Variants in PAM16 observed in about 807,000 individuals in gnomAD.
PAM16 encodes the protein presequence translocase associated motor 16.
A neutral mutation model predicts 17.9 loss-of-function variants in PAM16; 11 were observed. The observed-to-expected ratio is 0.62, with a 90% confidence interval of 0.39 to 1.02. PAM16 has a LOEUF of 1.02. Among genes scored for constraint, PAM16 ranks in the 50% least tolerant of loss-of-function variants. The pLI, the probability that PAM16 is intolerant of heterozygous loss-of-function variation, is 0.01. For missense variants in PAM16, 199 were observed against 165.4 expected, an observed-to-expected ratio of 1.20 and a Z score of -1.11; for synonymous variants, 72 against 67.4, an observed-to-expected ratio of 1.07 and a Z score of -0.34.
At position 4,341,391 on chromosome 16, in the gene PAM16, G is replaced by T; in HGVS notation, c.202C>A (p.Leu68Met). ...EAQQILNVSK[L>M]SPEEVQKNYE... The stretch of plus-strand genomic sequence containing the variant: ...ACCTTCTGGACCTCCTCAGGGCTCA[G>T]CTTGGACACGTTGAGAATCTGCTGT... The change falls in exon 3 of 5, where the codon CTG (leucine) becomes ATG (methionine). Residue 68 changes from leucine to methionine, a missense_variant. Transcript: ENST00000318059. The T allele has an allele frequency of 6.3e-7, 1 of 1,589,248 alleles. No individual in the cohort carries two copies. The highest frequency in any genetic ancestry group is 2.3e-5 in the East Asian group (1 of 43,886).
chr16:4,343,838 A>G lies in PAM16; in HGVS notation c.4-547T>C, dbSNP rs1036179162. The G allele has an allele frequency of 6.3e-5, 25 of 399,864 alleles. No homozygotes were observed. The Admixed American group carries it at 7.4e-4, about 12-fold the overall frequency. The allele number at this position is 399,864 out of a possible 1,614,324, so 24.8% of individuals were successfully genotyped here. A position where few individuals can be genotyped will look rare whatever the true frequency, so the allele number is the denominator to read the frequency against. On this transcript the variant is annotated intron_variant, in intron 1 of 4. Coordinates refer to ENST00000318059, the MANE Select transcript of PAM16 (RefSeq NM_016069.11). ...TGCAAACCTGTTTCCATCTTCAAGG[A>G]GCTAAAAGCCCACTAGGAGGGTATT...
intron 1 of PAM16, among the ~76,000 whole-genome samples, chr16:4,349,788 C>A (rs917691526): frequency 2.0e-5 from 3 of 152,092 alleles, no homozygotes; most frequent in African/African-American, 7.2e-5. Context: ...CAAAAAAACC[C>A]CATGAGTTTT....
rs1346611323 is a variant in PAM16 at position 4,340,330 on chromosome 16, G to A, written c.367C>T (p.Pro123Ser). 1 of 1,612,758 alleles carries A rather than the reference G, an allele frequency of 6.2e-7. No individual in the cohort carries two copies. The highest frequency in any genetic ancestry group is 8.5e-7 in the Non-Finnish European group (1 of 1,179,818). The change falls in exon 5 of 5, where the codon CCC (proline) becomes TCC (serine). Residue 123 changes from proline (P) to serine (S), a missense_variant. Physicochemically the swap from Pro to Ser is moderately conservative, Grantham distance 74. Coordinates refer to ENST00000318059, the MANE Select transcript of PAM16 (RefSeq NM_016069.11). ...GGGGAGCCGAGCAGTCACGTATGGG[G>A]CATCTGCCCTTTTTCTCTGTCCTCC... ...AQEDREKGQM[P>S]HT
intron 1 of PAM16, 139 bp from the exon 2 acceptor site, chr16:4,343,430 C>A: frequency 6.9e-7 from 1 of 1,444,688 alleles, no homozygotes; most frequent in Non-Finnish European, 9.1e-7. Flanking sequence ...CAGGCCAACC[C>A]CTCCAAAGCA....
Position 4,340,909 on chromosome 16 carries a change from A to G in PAM16, c.291+11T>C. On this transcript the variant is annotated intron_variant, in intron 4 of 4. Coordinates refer to ENST00000318059, the MANE Select transcript of PAM16 (RefSeq NM_016069.11). ...ATGACTTCATTCCTCCCAGAATCAA[A>G]GACCACTCACCTTTGACTGCAGGTA... 6.2e-7 allele frequency: 1 copy of G among 1,612,934 alleles called. No individual in the cohort carries two copies. Among genetic ancestry groups the G allele is most frequent in the South Asian group, 1.1e-5 (1 of 91,080 alleles).
intron 1 of PAM16, among the ~76,000 whole-genome samples, chr16:4,344,429 A>AGAGGAGGGGGTT (rs1401799473): frequency 5.4e-5 from 4 of 74,652 alleles, no homozygotes; most frequent in Non-Finnish European, 7.7e-5. Flanking sequence ...GGACTGTGTG[A>AGAGGAGGGGGTT]CAGGAGGGGG....
At chr16:4,350,503 C>G (rs1193671015) in intron 1 of PAM16, among the ~76,000 whole-genome samples, 1 of 151,910 alleles carries the variant, frequency 6.6e-6, no homozygotes, top group East Asian at 1.9e-4. Flanking sequence ...CGGGTTCAAG[C>G]GTCTGTCCTG....
At chr16:4,343,833 C>G (rs1320623378) in intron 1 of PAM16, 1 of 399,880 alleles carries the variant, frequency 2.5e-6, no homozygotes, top group Non-Finnish European at 4.4e-6. Flanking sequence ...TTTCCATCTT[C>G]AAGGAGCTAA....
At chr16:4,343,408 G>A in intron 1 of PAM16, 117 bp from the exon 2 acceptor site, 1 of 1,477,754 alleles carries the variant, frequency 6.8e-7, no homozygotes, top group Non-Finnish European at 9.0e-7. Context: ...ATGAAGCACA[G>A]AGCTGCAGCC....
Position 4,340,315 on chromosome 16 carries a change from G to A in PAM16, c.*4C>T, listed in dbSNP as rs374906689. ...CGGCGGGGTGGGCGGGGGGAGCCGAGCAGTCACGTATGGGGCATCTGCCCT... is the reference window on the plus strand; with the variant it reads ...CGGCGGGGTGGGCGGGGGGAGCCGAACAGTCACGTATGGGGCATCTGCCCT... On this transcript the variant is annotated 3_prime_UTR_variant, in exon 5 of 5. Transcript: ENST00000318059. The A allele has an allele frequency of 6.5e-5, 105 of 1,609,870 alleles. No homozygotes were observed. The African/African-American group carries it at 1.2e-3, about 19-fold the overall frequency.
rs762143309 is a variant in PAM16, at chr16:4,341,386, G to C, written c.207C>G (p.Ser69Arg). 6.3e-7 allele frequency: 1 copy of C among 1,585,532 alleles called. No individual in the cohort carries two copies. The highest frequency in any genetic ancestry group is 8.6e-7 in the Non-Finnish European group (1 of 1,166,170). Residue 69 changes from serine (S) to arginine (R), a missense_variant, in exon 3 of 5, where the codon AGC becomes AGG. Coordinates refer to ENST00000318059, the MANE Select transcript of PAM16 (RefSeq NM_016069.11). ...GCCTCACCTTCTGGACCTCCTCAGG[G>C]CTCAGCTTGGACACGTTGAGAATCT... ...AQQILNVSKL[S>R]PEEVQKNYEH...
chr16:4,351,117 CGGGCACGCAGG>C (rs2053850777), intron 1 of PAM16, 104 bp downstream of exon 1: 1 of 495,106 alleles, frequency 2.0e-6, no homozygotes, highest in South Asian at 9.0e-5. Context: ...TGCTTCCCGC[CGGGCACGCAGG>C]GGGCGCACGG....
At position 4,351,283 on chromosome 16, in the gene PAM16, G is replaced by C. The variant is rs376049272; in HGVS notation, c.-49C>G. ...TCAAACTCCGACTTCCTGGCCCCGC[G>C]GCCGGGGATCAAGCGTGGTCGGCGG... On this transcript the variant is annotated 5_prime_UTR_variant, in exon 1 of 5. Coordinates refer to ENST00000318059, the MANE Select transcript of PAM16 (RefSeq NM_016069.11). 13 of 1,437,504 alleles carry C rather than the reference G, an allele frequency of 9.0e-6. No individual in the cohort carries two copies. Among genetic ancestry groups the C allele is most frequent in the Non-Finnish European group, 1.2e-5 (13 of 1,083,054 alleles). The allele number at this position is 1,437,504 out of a possible 1,614,324, so 89.0% of individuals were successfully genotyped here.
rs2053620497 is a variant in PAM16 at position 4,340,260 on chromosome 16, G to GA, written c.*58dup. 16 of 1,505,662 alleles carry GA rather than the reference G, an allele frequency of 1.1e-5. 1 individual carries two copies. In the South Asian group the frequency reaches 1.8e-4, roughly 17 times the overall value. 93.3% of individuals were successfully genotyped at this position (1,505,662 alleles called of 1,614,324 possible). The stretch of plus-strand genomic sequence containing the variant: ...ACATGCAAACGAGAAATGCAGAAAA[G>GA]AAATTTATTACCAAGCTATAAATTA... On this transcript the variant is annotated 3_prime_UTR_variant, in exon 5 of 5. Coordinates refer to ENST00000318059, the MANE Select transcript of PAM16 (RefSeq NM_016069.11).
In PAM16 at chr16:4,351,320, AG is replaced by A; in HGVS notation, c.-87del. 9.0e-7 allele frequency: 1 copy of A among 1,111,224 alleles called. No homozygotes were observed. Among genetic ancestry groups the A allele is most frequent in the Non-Finnish European group, 1.2e-6 (1 of 820,488 alleles). The allele number at this position is 1,111,224 out of a possible 1,614,324, so 68.8% of individuals were successfully genotyped here. On this transcript the variant is annotated 5_prime_UTR_variant, in exon 1 of 5. Coordinates refer to ENST00000318059, the MANE Select transcript of PAM16 (RefSeq NM_016069.11). Reference sequence around the variant, plus strand: ...AGCGTGGTCGGCGGGTCAGAGGTCAAGGAAAGCCGCAGAGAGCGCGTGCGCG... The same window carrying A: ...AGCGTGGTCGGCGGGTCAGAGGTCAAGAAAGCCGCAGAGAGCGCGTGCGCG...
intron 1 of PAM16, among the ~76,000 whole-genome samples, chr16:4,345,087 T>C (rs1445334192): frequency 1.3e-5 from 2 of 151,542 alleles, no homozygotes; most frequent in Non-Finnish European, 2.9e-5. Context: ...CGATTATATA[T>C]AGACAGCACA....
chr16:4,341,234 G>C, intron 3 of PAM16, 134 bp downstream of exon 3: 1 of 1,407,552 alleles, frequency 7.1e-7, no homozygotes, highest in Non-Finnish European at 9.5e-7. Flanking sequence ...AGCAACAGTG[G>C]CTCCCGAAAG....
In PAM16 at chr16:4,343,706, GATC is replaced by G. The variant is rs2053687937; in HGVS notation, c.4-418_4-416del. 1.4e-5 allele frequency: 7 copies of G among 499,900 alleles called. No homozygotes were observed. The South Asian group carries it at 4.1e-4, about 29-fold the overall frequency. The allele number at this position is 499,900 out of a possible 1,614,324, so 31.0% of individuals were successfully genotyped here. On this transcript the variant is annotated intron_variant, in intron 1 of 4. Transcript: ENST00000318059. The stretch of plus-strand genomic sequence containing the variant: ...ACCATCACTCTTCCTGAGTTTCTGA[GATC>G]ATCAGGCCCAACCTTTACTTTACCA...
intron 4 of PAM16, 120 bp downstream of exon 4, chr16:4,340,800 T>A: frequency 7.6e-7 from 1 of 1,307,730 alleles, no homozygotes; most frequent in Non-Finnish European, 1.1e-6. Flanking sequence ...TGGGAAAGCC[T>A]GGCACAGTTT....
Sources: gnomAD v4.1 joint callset for allele counts (sites outside exome capture counted in the v4.1 genomes callset) on GRCh38, gnomAD v4.1.1 for gene constraint, MANE v1.5 for transcripts, NCBI Gene and HGNC (gene_info 2026-07-23, HGNC 2026-07-21) for gene names.